Variants in XKR3 observed in about 807,000 individuals in gnomAD.
XKR3 encodes XK-related protein 3.
A neutral mutation model predicts 40.3 loss-of-function variants in XKR3; 27 were observed. The ratio of observed to expected loss-of-function variants is 0.67; its 90% confidence interval spans 0.49 to 0.92. The LOEUF is 0.92. Among genes scored for constraint, XKR3 ranks in the 40% least tolerant of loss-of-function variants. The pLI is 0.00. For synonymous variants in XKR3, 193 were observed against 195.4 expected (o/e 0.99, Z 0.10); for missense variants, 472 against 537.6 (o/e 0.88, Z 1.21).
intron 3 of XKR3, among the ~76,000 whole-genome samples, chr22:16,786,604 C>A (rs1259981436): frequency 6.6e-6 from 1 of 152,180 alleles, no homozygotes; most frequent in Non-Finnish European, 1.5e-5. Flanking sequence ...CTGTGGGCTA[C>A]AGGTGCAACC....
intron 3 of XKR3, among the ~76,000 whole-genome samples, chr22:16,785,286 C>T (rs2060085315): frequency 1.3e-5 from 2 of 152,010 alleles, no homozygotes; most frequent in Admixed American, 6.5e-5. Context: ...CACTGCACTC[C>T]AGCCTGGGCG....
chr22:16,799,209 C>T (rs1379450161), intron 3 of XKR3, among the ~76,000 whole-genome samples: 4 of 151,466 alleles, frequency 2.6e-5, no homozygotes, highest in Admixed American at 1.3e-4. Flanking sequence ...GTCAGGAGAT[C>T]GAGACCATCC....
intron 1 of XKR3, among the ~76,000 whole-genome samples, chr22:16,817,392 G>A (rs1281344062): frequency 3.3e-5 from 5 of 151,976 alleles, no homozygotes; most frequent in East Asian, 1.9e-4. Context: ...TATCTTGTAC[G>A]TAATATAAAA....
chr22:16,793,311 C>T (rs1459795544), intron 3 of XKR3, among the ~76,000 whole-genome samples: 1 of 152,190 alleles, frequency 6.6e-6, no homozygotes, highest in Non-Finnish European at 1.5e-5. Context: ...TGCCCCTGGC[C>T]CTCGTGACTA....
intron 1 of XKR3, among the ~76,000 whole-genome samples, chr22:16,821,330 T>C (rs1164290453): frequency 6.6e-6 from 1 of 152,156 alleles, no homozygotes; most frequent in Non-Finnish European, 1.5e-5. Context: ...GAAAGAATAC[T>C]TAAAATAATT....
intron 1 of XKR3, among the ~76,000 whole-genome samples, chr22:16,811,617 A>G (rs978734286): frequency 1.6e-4 from 24 of 152,212 alleles, no homozygotes; most frequent in African/African-American, 5.8e-4. Flanking sequence ...ACTAAAATGT[A>G]AGTTATATTC....
intron 2 of XKR3, among the ~76,000 whole-genome samples, chr22:16,805,751 T>C (rs757085468): frequency 6.6e-6 from 1 of 152,296 alleles, no homozygotes; most frequent in Middle Eastern, 3.4e-3. Flanking sequence ...CATAGATCAA[T>C]GGGATAGATA....
chr22:16,819,826 T>C (rs1601853003), intron 1 of XKR3, among the ~76,000 whole-genome samples: 1 of 152,118 alleles, frequency 6.6e-6, no homozygotes. Context: ...AGAAAGCCAA[T>C]GTGCAGATGG....
At chr22:16,803,657 A>C (rs888327966) in intron 2 of XKR3, among the ~76,000 whole-genome samples, 1 of 152,224 alleles carries the variant, frequency 6.6e-6, no homozygotes, top group Non-Finnish European at 1.5e-5. Flanking sequence ...CACGAAAACC[A>C]AAATGGCCAC....
intron 2 of XKR3, among the ~76,000 whole-genome samples, chr22:16,801,521 A>G (rs2060168807): frequency 6.6e-6 from 1 of 152,344 alleles, no homozygotes; most frequent in South Asian, 2.1e-4. Flanking sequence ...CAACCTGCAC[A>G]ACACGGCAAG....
At chr22:16,794,385 C>T (rs2060132323) in intron 3 of XKR3, among the ~76,000 whole-genome samples, 1 of 151,938 alleles carries the variant, frequency 6.6e-6, no homozygotes, top group Admixed American at 6.6e-5. Flanking sequence ...TGGCAGCAGA[C>T]CTCTTAGCAG....
chr22:16,791,921 T>G (rs2060121297), intron 3 of XKR3, among the ~76,000 whole-genome samples: 1 of 151,794 alleles, frequency 6.6e-6, no homozygotes, highest in Non-Finnish European at 1.5e-5. Flanking sequence ...TTGTTTTTTT[T>G]TTTTGTTTGT....
chr22:16,799,638 T>C (rs1267668325), intron 3 of XKR3, 133 bp downstream of exon 3: 1 of 1,041,318 alleles, frequency 9.6e-7, no homozygotes, highest in Non-Finnish European at 1.4e-6. Flanking sequence ...AATAAATTCA[T>C]AGAAACTCAA....
chr22:16,786,201 G>A (rs2060090144), intron 3 of XKR3, among the ~76,000 whole-genome samples: 1 of 151,520 alleles, frequency 6.6e-6, no homozygotes, highest in African/African-American at 2.4e-5. Flanking sequence ...CTAGAGCCCA[G>A]GAGTTCAAGA....
intron 3 of XKR3, among the ~76,000 whole-genome samples, chr22:16,797,289 G>T (rs993931142): frequency 6.6e-6 from 1 of 152,230 alleles, no homozygotes; most frequent in African/African-American, 2.4e-5. Context: ...GTCCCCAAAT[G>T]CAATTTTGCA....
intron 2 of XKR3, among the ~76,000 whole-genome samples, chr22:16,802,134 G>A (rs1168766892): frequency 6.6e-6 from 1 of 152,020 alleles, no homozygotes; most frequent in Non-Finnish European, 1.5e-5. Flanking sequence ...CTATTAACTA[G>A]CTCTTCTTTA....
In XKR3 at chr22:16,784,068, T is replaced by A; in HGVS notation, c.931A>T (p.Thr311Ser). The change falls in exon 4 of 4, where the codon ACA becomes TCA. Residue 311 changes from threonine (T) to serine (S), a missense_variant. By Grantham distance (58) the Thr-to-Ser change is moderately conservative. Coordinates refer to ENST00000684488, the MANE Select transcript of XKR3 (RefSeq NM_001386955.1). ...VGTVLMLFLI[T>S]LLYAAINFSC... ...AAGTTGATGGCAGCATATAGCAGTG[T>A]GATCAAGAAAAGCATCAGTACTGTA... is the stretch of plus-strand genomic sequence containing the variant. The A allele has an allele frequency of 6.2e-7, 1 of 1,614,222 alleles. No individual in the cohort carries two copies. Among genetic ancestry groups the A allele is most frequent in the Non-Finnish European group, 8.5e-7 (1 of 1,180,042 alleles).
At chr22:16,788,356 C>T (rs2060099890) in intron 3 of XKR3, among the ~76,000 whole-genome samples, 1 of 151,680 alleles carries the variant, frequency 6.6e-6, no homozygotes. Context: ...ATACACCAAA[C>T]CAAAGAATTA....
intron 1 of XKR3, among the ~76,000 whole-genome samples, chr22:16,814,394 C>T (rs1487604446): frequency 1.3e-5 from 2 of 152,162 alleles, no homozygotes; most frequent in African/African-American, 4.8e-5. Context: ...GTCAGTACCA[C>T]ACTATCTTTA....
Sources: allele counts gnomAD v4.1 joint callset (sites outside exome capture counted in the v4.1 genomes callset), GRCh38; gene constraint gnomAD v4.1.1; transcripts MANE v1.5; gene names NCBI Gene and HGNC (gene_info 2026-07-23, HGNC 2026-07-21).